GALNT13: variants seen among roughly 807,000 people sequenced by gnomAD.
GALNT13 encodes the protein UDP-GalNAc:polypeptide N-acetylgalactosaminyltransferase 13.
GALNT13 carries 28 observed loss-of-function variants against 64.2 expected under a neutral mutation model. That is an observed-to-expected ratio of 0.44 (90% CI 0.32 to 0.60). The LOEUF is 0.60. GALNT13 is among the 20% of genes least tolerant of loss of function. GALNT13 has a pLI of 0.05. For missense variants in GALNT13, 577 were observed against 669.8 expected, an observed-to-expected ratio of 0.86 and a Z score of 1.53; for synonymous variants, 214 against 224.6, an observed-to-expected ratio of 0.95 and a Z score of 0.42.
intron 3 of GALNT13, among the ~76,000 whole-genome samples, chr2:154,107,286 G>C (rs1047020019): frequency 6.6e-6 from 1 of 151,930 alleles, no homozygotes; most frequent in Non-Finnish European, 1.5e-5. Context: ...TAACTAAAAC[G>C]CATTTGTTAT....
the GALNT13 span, among the ~76,000 whole-genome samples, chr2:153,501,185 C>A: frequency 6.6e-6 from 1 of 152,012 alleles, no homozygotes; most frequent in African/African-American, 2.4e-5. Context: ...ATTTATTTAG[C>A]CAAAATGATG....
chr2:154,327,420 G>GT (rs888897160), intron 9 of GALNT13, among the ~76,000 whole-genome samples: 53 of 152,160 alleles, frequency 3.5e-4, no homozygotes, highest in African/African-American at 1.1e-3. Context: ...CTGACTTATT[G>GT]TTTTTAAGTT....
intron 3 of GALNT13, among the ~76,000 whole-genome samples, chr2:154,129,112 T>C (rs892535285): frequency 3.4e-4 from 52 of 152,280 alleles, no homozygotes; most frequent in Non-Finnish European, 2.6e-4. Flanking sequence ...ATATATAAAA[T>C]TAAACAATCA....
the GALNT13 span, among the ~76,000 whole-genome samples, chr2:153,509,960 C>T: frequency 6.6e-6 from 1 of 152,092 alleles, no homozygotes; most frequent in African/African-American, 2.4e-5. Flanking sequence ...ATATTTTTAT[C>T]TCATTTTTAC....
chr2:154,267,456 A>G (rs937160712), intron 8 of GALNT13, among the ~76,000 whole-genome samples: 3 of 152,138 alleles, frequency 2.0e-5, no homozygotes, highest in Non-Finnish European at 4.4e-5. Context: ...CCTGGCCAAC[A>G]TGGTGCAACC....
the GALNT13 span, among the ~76,000 whole-genome samples, chr2:153,146,438 C>A: frequency 1.3e-5 from 2 of 151,836 alleles, no homozygotes; most frequent in African/African-American, 2.4e-5. Flanking sequence ...GTCCTAAGAG[C>A]CCCGAAAGTC....
intron 2 of GALNT13, among the ~76,000 whole-genome samples, chr2:153,938,902 T>A (rs1691139727): frequency 6.6e-6 from 1 of 152,166 alleles, no homozygotes; most frequent in Admixed American, 6.6e-5. Flanking sequence ...CCATGGATTT[T>A]TGGAATGTGG....
intron 3 of GALNT13, among the ~76,000 whole-genome samples, chr2:154,109,344 C>T (rs1177518225): frequency 6.6e-6 from 1 of 151,980 alleles, no homozygotes; most frequent in Non-Finnish European, 1.5e-5. Context: ...TATCCTGTAG[C>T]TTTACAGTAT....
At chr2:153,241,822 T>A in the GALNT13 span, among the ~76,000 whole-genome samples, 1,652 of 152,032 alleles carry the variant, frequency 0.011, 30 homozygotes, top group African/African-American at 0.038. Flanking sequence ...GAATTTGTCT[T>A]TCTGTAATGG....
chr2:153,825,608 CTGTGTGTGTGTGTGTGTG>C, the GALNT13 span, among the ~76,000 whole-genome samples: 4 of 134,864 alleles, frequency 3.0e-5, no homozygotes, highest in South Asian at 5.1e-4. Context: ...TCCATGAGTG[CTGTGTGTGTGTGTGTGTG>C]TGTGTGTGTG....
chr2:154,415,220 T>C (rs1360490912), intron 11 of GALNT13, among the ~76,000 whole-genome samples: 1 of 152,070 alleles, frequency 6.6e-6, no homozygotes, highest in African/African-American at 2.4e-5. Flanking sequence ...ATAAACATTT[T>C]ACTTTGAAAC....
At chr2:153,380,763 A>AAT in the GALNT13 span, among the ~76,000 whole-genome samples, 1 of 152,162 alleles carries the variant, frequency 6.6e-6, no homozygotes, top group East Asian at 1.9e-4. Flanking sequence ...AAGAATGTGC[A>AAT]ATATAAAAAT....
the GALNT13 span, among the ~76,000 whole-genome samples, chr2:153,651,574 T>C: frequency 1.3e-5 from 2 of 152,168 alleles, no homozygotes; most frequent in African/African-American, 4.8e-5. Flanking sequence ...ATACTTGAAA[T>C]ATACTTGAAA....
At chr2:153,256,130 A>G in the GALNT13 span, among the ~76,000 whole-genome samples, 1 of 151,838 alleles carries the variant, frequency 6.6e-6, no homozygotes, top group African/African-American at 2.4e-5. Flanking sequence ...TGGTCTTTTC[A>G]CATAGTCCCA....
the GALNT13 span, among the ~76,000 whole-genome samples, chr2:153,323,841 G>T: frequency 4.6e-5 from 7 of 152,034 alleles, no homozygotes; most frequent in Non-Finnish European, 8.8e-5. Context: ...CTGTTCCATT[G>T]GTCTATATAT....
At chr2:153,489,451 T>C in the GALNT13 span, among the ~76,000 whole-genome samples, 1 of 152,246 alleles carries the variant, frequency 6.6e-6, no homozygotes, top group East Asian at 1.9e-4. Flanking sequence ...CATCTCTTGA[T>C]GCTCCCTGTA....
At chr2:153,649,488 A>G in the GALNT13 span, among the ~76,000 whole-genome samples, 3,456 of 143,714 alleles carry the variant, frequency 0.024, 119 homozygotes, top group African/African-American at 0.084. Context: ...GATTTTAGTT[A>G]TTTCTTGCCT....
the GALNT13 span, among the ~76,000 whole-genome samples, chr2:153,087,074 T>C: frequency 6.6e-6 from 1 of 152,084 alleles, no homozygotes. Context: ...CTCAGGGGAG[T>C]TCTTTCAACT....
the GALNT13 span, among the ~76,000 whole-genome samples, chr2:153,632,017 A>G: frequency 1.3e-5 from 2 of 151,988 alleles, no homozygotes; most frequent in Non-Finnish European, 2.9e-5. Context: ...CATTGTTGTC[A>G]CCTTTGACAC....
Sources: gnomAD v4.1 joint callset for allele counts (sites outside exome capture counted in the v4.1 genomes callset) on GRCh38, gnomAD v4.1.1 for gene constraint, MANE v1.5 for transcripts, NCBI Gene and HGNC (gene_info 2026-07-23, HGNC 2026-07-21) for gene names.